Variants in FSTL5 observed in about 807,000 individuals in gnomAD.
FSTL5 encodes the protein follistatin like 5.
In FSTL5, 62 loss-of-function variants were observed where a neutral mutation model predicts 89.1. The observed-to-expected ratio is 0.70, with a 90% CI of 0.57 to 0.86. The LOEUF (loss-of-function observed/expected upper bound fraction) is 0.86, where lower values mean the gene tolerates loss of function less well. Ranked by LOEUF, FSTL5 falls within the 40% of genes least tolerant of loss-of-function variation. The probability of loss-of-function intolerance (pLI) is 0.00; values close to 1 mark genes in which losing one functional copy is unlikely to be tolerated. For synonymous variants in FSTL5, 383 were observed against 346.2 expected (o/e 1.11, Z -1.18); for missense variants, 1,057 against 1,001.6 (o/e 1.06, Z -0.75).
chr4:162,150,376 T>C (rs967508926), intron 1 of FSTL5, among the ~76,000 whole-genome samples: 2 of 152,106 alleles, frequency 1.3e-5, no homozygotes, highest in African/African-American at 4.8e-5. Flanking sequence ...GTCAGCTTGG[T>C]TCTACCTTAA....
chr4:161,787,338 G>A (rs950233274), intron 4 of FSTL5, among the ~76,000 whole-genome samples: 1 of 152,098 alleles, frequency 6.6e-6, no homozygotes, highest in African/African-American at 2.4e-5. Context: ...AGTGACTGGT[G>A]AGTGCTTGAC....
intron 4 of FSTL5, among the ~76,000 whole-genome samples, chr4:161,852,835 G>A (rs139161417): frequency 1.3e-5 from 2 of 152,106 alleles, no homozygotes; most frequent in African/African-American, 4.8e-5. Context: ...GCTGGGGTCT[G>A]TTGGGGTGCG....
intron 1 of FSTL5, among the ~76,000 whole-genome samples, chr4:162,135,589 C>T (rs1452473780): frequency 6.6e-6 from 1 of 152,022 alleles, no homozygotes; most frequent in Admixed American, 6.6e-5. Flanking sequence ...CCTTTTTAGC[C>T]TCATTGCTGT....
rs531590000 is a variant in FSTL5, at chr4:161,566,333, G to A, written c.1015+21122C>T. Among the ~76,000 whole-genome samples the A allele has an allele frequency of 3.7e-4, 56 of 151,524 alleles. 2 individuals carry two copies. The South Asian group carries it at 6.5e-3, about 18-fold the overall frequency. On this transcript the variant is annotated intron_variant, in intron 8 of 15. Transcript: ENST00000306100. ...TAGTATTCTATGGTGTATATGTACC[G>A]CATTTTCTTTATCCAATACACAGTT...
chr4:161,472,414 T>C (rs1435411306), intron 13 of FSTL5, among the ~76,000 whole-genome samples: 1 of 152,170 alleles, frequency 6.6e-6, no homozygotes, highest in African/African-American at 2.4e-5. Context: ...TTCTTTCCGT[T>C]TTTTTAAGTT....
chr4:161,476,170 C>A (rs566561427), intron 13 of FSTL5, among the ~76,000 whole-genome samples: 101 of 63,500 alleles, frequency 1.6e-3, no homozygotes, highest in African/African-American at 7.1e-3. Context: ...TTCAAGTTTG[C>A]TGGTTTTTTT....
intron 4 of FSTL5, among the ~76,000 whole-genome samples, chr4:161,812,991 G>T (rs1730206907): frequency 6.7e-6 from 1 of 149,108 alleles, no homozygotes; most frequent in Admixed American, 6.7e-5. Flanking sequence ...GGAGATTCTG[G>T]CAGTTAAGGG....
chr4:161,966,455 A>C (rs2110997520), intron 3 of FSTL5, among the ~76,000 whole-genome samples: 1 of 152,276 alleles, frequency 6.6e-6, no homozygotes, highest in East Asian at 1.9e-4. Context: ...AATGTGAAGT[A>C]TACAAAACCC....
intron 6 of FSTL5, among the ~76,000 whole-genome samples, chr4:161,685,659 T>C (rs1737684930): frequency 6.6e-6 from 1 of 152,214 alleles, no homozygotes; most frequent in African/African-American, 2.4e-5. Context: ...AGAAGCTTTT[T>C]GGAAGAGCCT....
chr4:161,420,845 T>C (rs1731962764), intron 15 of FSTL5, among the ~76,000 whole-genome samples: 2 of 150,350 alleles, frequency 1.3e-5, no homozygotes, highest in Admixed American at 6.7e-5. Flanking sequence ...ATCTATTATA[T>C]AGGCCATAAC....
In FSTL5 at chr4:161,452,637, T is replaced by TA. The variant is rs1208285573; in HGVS notation, c.1841+2366_1841+2367insT. Among the ~76,000 whole-genome samples the TA allele has an allele frequency of 8.4e-3, 1,276 of 152,324 alleles. 16 individuals are homozygous for TA. Among genetic ancestry groups the TA allele is most frequent in the African/African-American group, 0.03 (1,233 of 41,568 alleles). Reference sequence around the variant, plus strand: ...GCATGTTAATTTTTACTTCTCGCATTCACGGTAGTAAAATGAGTAATTACT... The same window carrying TA: ...GCATGTTAATTTTTACTTCTCGCATTACACGGTAGTAAAATGAGTAATTACT... On this transcript the variant is annotated intron_variant, in intron 15 of 15. Transcript: ENST00000306100.
intron 6 of FSTL5, among the ~76,000 whole-genome samples, chr4:161,711,995 A>G (rs1227689806): frequency 3.3e-5 from 5 of 152,210 alleles, no homozygotes; most frequent in African/African-American, 1.2e-4. Context: ...AAGGTCGTCT[A>G]TGAACAACCA....
chr4:161,518,372 C>A (rs565464102), intron 10 of FSTL5, among the ~76,000 whole-genome samples: 82 of 152,172 alleles, frequency 5.4e-4, no homozygotes, highest in African/African-American at 1.9e-3. Context: ...GGATGCATAG[C>A]AAAAGGCACG....
chr4:161,999,527 CTA>C (rs1407671605), intron 3 of FSTL5, among the ~76,000 whole-genome samples: 3 of 151,950 alleles, frequency 2.0e-5, no homozygotes, highest in African/African-American at 7.2e-5. Context: ...TTTTAATTGA[CTA>C]TGTATAATAA....
At chr4:161,724,694 A>G (rs1739331431) in intron 6 of FSTL5, among the ~76,000 whole-genome samples, 1 of 152,208 alleles carries the variant, frequency 6.6e-6, no homozygotes, top group Non-Finnish European at 1.5e-5. Context: ...TGTCCTAGCT[A>G]TAAAACCTTT....
At chr4:162,135,457 T>C (rs1448487593) in intron 1 of FSTL5, among the ~76,000 whole-genome samples, 2 of 152,080 alleles carry the variant, frequency 1.3e-5, no homozygotes, top group Non-Finnish European at 2.9e-5. Context: ...TGAAAGCTCA[T>C]AGTTTGGTAT....
intron 11 of FSTL5, among the ~76,000 whole-genome samples, chr4:161,501,827 G>T (rs539364311): frequency 6.6e-6 from 1 of 151,850 alleles, no homozygotes; most frequent in African/African-American, 2.4e-5. Context: ...AGAGAAAGCC[G>T]AAACAAAGCA....
chr4:161,601,930 C>T (rs1369087108), intron 7 of FSTL5, among the ~76,000 whole-genome samples: 3 of 151,710 alleles, frequency 2.0e-5, no homozygotes, highest in African/African-American at 7.3e-5. Context: ...TTATGAGACA[C>T]ATAAAATAGA....
At chr4:161,769,661 A>C (rs1741140393) in intron 5 of FSTL5, among the ~76,000 whole-genome samples, 1 of 151,918 alleles carries the variant, frequency 6.6e-6, no homozygotes, top group African/African-American at 2.4e-5. Context: ...AAGCTTAGAA[A>C]ACTGGGGATA....
Sources: gnomAD v4.1 joint callset for allele counts (sites outside exome capture counted in the v4.1 genomes callset) on GRCh38, gnomAD v4.1.1 for gene constraint, MANE v1.5 for transcripts, NCBI Gene and HGNC (gene_info 2026-07-23, HGNC 2026-07-21) for gene names.